SLC16A7: variants seen among roughly 807,000 people sequenced by gnomAD.
The protein encoded by SLC16A7 is solute carrier family 16 member 7.
In SLC16A7, 33 loss-of-function variants were observed where a neutral mutation model predicts 34.9. The ratio of observed to expected loss-of-function variants is 0.94; its 90% CI spans 0.72 to 1.26. The LOEUF is 1.26. Among genes scored for constraint, SLC16A7 ranks in the 50% most tolerant of loss-of-function variants. The pLI, the probability that SLC16A7 is intolerant of heterozygous loss-of-function variation, is 0.00. For missense variants in SLC16A7, 573 were observed against 578.1 expected, an observed-to-expected ratio of 0.99 and a Z score of 0.09; for synonymous variants, 201 against 206.6, an observed-to-expected ratio of 0.97 and a Z score of 0.23.
At chr12:59,621,111 A>T (rs182370662) in intron 1 of SLC16A7, among the ~76,000 whole-genome samples, 1 of 151,980 alleles carries the variant, frequency 6.6e-6, no homozygotes, top group Admixed American at 6.6e-5. Flanking sequence ...ACTGTTCTCT[A>T]GACTGCTATT....
intron 2 of SLC16A7, among the ~76,000 whole-genome samples, chr12:59,698,738 G>C (rs1863936983): frequency 6.6e-6 from 1 of 151,722 alleles, no homozygotes; most frequent in African/African-American, 2.4e-5. Flanking sequence ...AATTCCTAGA[G>C]ACAGTAATGG....
At chr12:59,719,236 G>A (rs1021871156) in intron 3 of SLC16A7, among the ~76,000 whole-genome samples, 3 of 152,090 alleles carry the variant, frequency 2.0e-5, no homozygotes, top group Non-Finnish European at 4.4e-5. Flanking sequence ...TTTTGAAACA[G>A]ACAATACCTG....
intron 2 of SLC16A7, among the ~76,000 whole-genome samples, chr12:59,674,018 A>G (rs544863153): frequency 1.3e-5 from 2 of 152,296 alleles, no homozygotes; most frequent in South Asian, 4.1e-4. Flanking sequence ...AGTTATTACT[A>G]TAGAGCAGCT....
intron 2 of SLC16A7, among the ~76,000 whole-genome samples, chr12:59,675,076 C>T (rs1276405964): frequency 1.3e-5 from 2 of 152,198 alleles, no homozygotes; most frequent in African/African-American, 2.4e-5. Flanking sequence ...CATTATCCAG[C>T]AGGCTAGTTT....
chr12:59,738,083 C>T lies in SLC16A7; in HGVS notation c.217+33065C>T, dbSNP rs945326116. Among the ~76,000 whole-genome samples the T allele has an allele frequency of 3.9e-5, 6 of 152,232 alleles. 1 individual carries two copies. ...GCTATGCATTCTCATGGTGCTTTATCACAGAGATATTGTACTTATAAAAAA... is the reference window on the plus strand; with the variant it reads ...GCTATGCATTCTCATGGTGCTTTATTACAGAGATATTGTACTTATAAAAAA... On this transcript the variant is annotated intron_variant, in intron 3 of 5. Coordinates refer to ENST00000547379, the MANE Select transcript of SLC16A7 (RefSeq NM_001270623.2).
intron 1 of SLC16A7, among the ~76,000 whole-genome samples, chr12:59,602,663 TTAG>T (rs1283251800): frequency 2.6e-5 from 4 of 151,868 alleles, no homozygotes; most frequent in Non-Finnish European, 5.9e-5. Context: ...TTTTGTATTT[TTAG>T]TAGAAATAGG....
chr12:59,700,092 G>A (rs888693124), intron 2 of SLC16A7, among the ~76,000 whole-genome samples: 2 of 151,706 alleles, frequency 1.3e-5, no homozygotes, highest in South Asian at 2.1e-4. Context: ...GAGTTACAGC[G>A]CTATTCGCTG....
At chr12:59,722,795 C>T (rs1875763312) in intron 3 of SLC16A7, among the ~76,000 whole-genome samples, 1 of 151,746 alleles carries the variant, frequency 6.6e-6, no homozygotes, top group Admixed American at 6.6e-5. Context: ...TTTTTTTCTC[C>T]ATAACACTTA....
Position 59,779,402 on chromosome 12 carries a change from A to G in SLC16A7, c.1181-21A>G, listed in dbSNP as rs769093475. The G allele has an allele frequency of 1.9e-6, 3 of 1,546,212 alleles. No homozygotes were observed. In the South Asian group the frequency reaches 3.6e-5, roughly 19 times the overall value. On this transcript the variant is annotated intron_variant, in intron 5 of 5. Coordinates refer to ENST00000547379, the MANE Select transcript of SLC16A7 (RefSeq NM_001270623.2). Reference sequence around the variant, plus strand: ...TGACTGTTTTATTATGCCAACTTAAAAGATGTTCTTTGTCTTCTAGGTAAA... The same window carrying G: ...TGACTGTTTTATTATGCCAACTTAAGAGATGTTCTTTGTCTTCTAGGTAAA...
chr12:59,720,435 G>A (rs1034998579), intron 3 of SLC16A7, among the ~76,000 whole-genome samples: 8 of 152,170 alleles, frequency 5.3e-5, no homozygotes, highest in Admixed American at 2.0e-4. Context: ...GTGAACAAAA[G>A]CATATATTTG....
intron 1 of SLC16A7, among the ~76,000 whole-genome samples, chr12:59,625,805 G>C (rs1320700646): frequency 6.6e-6 from 1 of 151,750 alleles, no homozygotes. Context: ...AGCAAATTGA[G>C]GGAAAGGAAG....
intron 3 of SLC16A7, among the ~76,000 whole-genome samples, chr12:59,770,863 T>A (rs1345821042): frequency 6.6e-6 from 1 of 152,214 alleles, no homozygotes; most frequent in Non-Finnish European, 1.5e-5. Context: ...ATGTAATTCC[T>A]AGATTTTTTT....
intron 2 of SLC16A7, among the ~76,000 whole-genome samples, chr12:59,673,924 T>C (rs1260696802): frequency 6.6e-6 from 1 of 152,196 alleles, no homozygotes; most frequent in East Asian, 1.9e-4. Context: ...CCTTGTCACT[T>C]GATGAAATCA....
chr12:59,675,578 T>TTCAA (rs1402901845), intron 2 of SLC16A7, among the ~76,000 whole-genome samples: 1 of 152,154 alleles, frequency 6.6e-6, no homozygotes, highest in African/African-American at 2.4e-5. Flanking sequence ...AGATCACATG[T>TTCAA]TCAAGCCTCA....
intron 3 of SLC16A7, among the ~76,000 whole-genome samples, chr12:59,722,464 C>T (rs1875717404): frequency 6.6e-6 from 1 of 151,824 alleles, no homozygotes; most frequent in Non-Finnish European, 1.5e-5. Flanking sequence ...CCGAGCCTAC[C>T]TAAGACTTCC....
chr12:59,766,892 C>T (rs950802033), intron 3 of SLC16A7, among the ~76,000 whole-genome samples: 3 of 151,802 alleles, frequency 2.0e-5, no homozygotes, highest in South Asian at 4.2e-4. Context: ...ATTGGAATAG[C>T]TTCAGAAGGA....
intron 3 of SLC16A7, among the ~76,000 whole-genome samples, chr12:59,731,884 A>C (rs1183410348): frequency 6.6e-6 from 1 of 152,226 alleles, no homozygotes; most frequent in Non-Finnish European, 1.5e-5. Context: ...GTGTGACTCC[A>C]GACAAGTCCT....
At chr12:59,625,406 G>T (rs1879882899) in intron 1 of SLC16A7, among the ~76,000 whole-genome samples, 1 of 151,710 alleles carries the variant, frequency 6.6e-6, no homozygotes, top group African/African-American at 2.4e-5. Flanking sequence ...GGTAACAAGG[G>T]ATACTATTTA....
chr12:59,761,123 A>C (rs1880968511), intron 3 of SLC16A7: 1 of 1,267,314 alleles, frequency 7.9e-7, no homozygotes, highest in Non-Finnish European at 1.0e-6. Context: ...TTGTGTTTAC[A>C]GGTAGAATAT....
Sources: allele counts gnomAD v4.1 joint callset (sites outside exome capture counted in the v4.1 genomes callset), GRCh38; gene constraint gnomAD v4.1.1; transcripts MANE v1.5; gene names NCBI Gene and HGNC (gene_info 2026-07-23, HGNC 2026-07-21).